The following FLI1 variants were observed in gnomAD, a reference collection of about 807,000 sequenced individuals.
FLI1 encodes the protein Friend leukemia integration 1 transcription factor.
Under a neutral mutation model 53.1 loss-of-function variants are expected in FLI1, and 13 were observed. The observed-to-expected ratio is 0.24, with a 90% confidence interval of 0.16 to 0.39. FLI1 has a LOEUF of 0.39. FLI1 is among the 10% of genes least tolerant of loss of function. The pLI is 1.00. For missense variants in FLI1, 424 were observed against 600.5 expected, an observed-to-expected ratio of 0.71 and a Z score of 3.07; for synonymous variants, 244 against 236.7, an observed-to-expected ratio of 1.03 and a Z score of -0.28.
intron 1 of FLI1, among the ~76,000 whole-genome samples, chr11:128,708,697 A>G (rs1327755438): frequency 1.3e-5 from 2 of 152,162 alleles, no homozygotes; most frequent in African/African-American, 4.8e-5. Context: ...ATTAATTACT[A>G]CACTTTGACT....
At chr11:128,798,905 G>A (rs1232838273) in intron 5 of FLI1, among the ~76,000 whole-genome samples, 1 of 152,134 alleles carries the variant, frequency 6.6e-6, no homozygotes, top group Admixed American at 6.5e-5. Context: ...TAACAGCCAG[G>A]CAGACCACCT....
Position 128,810,907 on chromosome 11 carries a change from C to G in FLI1, c.1278C>G (p.Pro426=). ...FGAASQYWTS[P]TGGIYPNPNV... is the part of the protein sequence containing the mutation. The stretch of plus-strand genomic sequence containing the variant: ...CCGCATCACAATACTGGACCTCCCC[C>G]ACGGGGGGAATCTACCCCAACCCCA... Residue 426 remains proline, a synonymous_variant, in exon 9 of 9, where the codon CCC becomes CCG. Coordinates refer to ENST00000527786, the MANE Select transcript of FLI1 (RefSeq NM_002017.5). The surrounding 1 kb of genome is among the most constrained non-coding windows in gnomAD (Gnocchi z 6.6). 4 of 1,614,054 alleles carry G rather than the reference C, an allele frequency of 2.5e-6. No individual in the cohort carries two copies. The highest frequency in any genetic ancestry group is 3.4e-6 in the Non-Finnish European group (4 of 1,179,900).
chr11:128,733,920 C>G (rs147489918), intron 1 of FLI1, among the ~76,000 whole-genome samples: 152 of 152,316 alleles, frequency 1.0e-3, no homozygotes, highest in African/African-American at 3.6e-3. Context: ...ACATGCTCCT[C>G]CTATCTGGGC....
chr11:128,768,371 G>C, intron 3 of FLI1, 99 bp downstream of exon 3: 1 of 1,481,088 alleles, frequency 6.8e-7, no homozygotes, highest in Non-Finnish European at 9.4e-7. Context: ...ATTCCCTGTG[G>C]AATTGCAAAA....
intron 4 of FLI1, 89 bp downstream of exon 4, chr11:128,773,074 G>A (rs964421298): frequency 8.2e-7 from 1 of 1,226,038 alleles, no homozygotes; most frequent in Non-Finnish European, 1.2e-6. Flanking sequence ...CGTTCGTGTT[G>A]GGCAGATGCC....
At chr11:128,787,972 A>G (rs1215845451) in intron 5 of FLI1, among the ~76,000 whole-genome samples, 1 of 151,526 alleles carries the variant, frequency 6.6e-6, no homozygotes, top group Non-Finnish European at 1.5e-5. Flanking sequence ...ACGCCCAGCT[A>G]ATTTTTTTTT....
chr11:128,798,063 C>T (rs1019022041), intron 5 of FLI1, among the ~76,000 whole-genome samples: 21 of 152,198 alleles, frequency 1.4e-4, no homozygotes, highest in Middle Eastern at 6.8e-3. Context: ...GGGCAGAGGG[C>T]GTTGCGTATA....
chr11:128,710,930 T>C (rs1938759989), intron 1 of FLI1, among the ~76,000 whole-genome samples: 1 of 152,230 alleles, frequency 6.6e-6, no homozygotes, highest in Admixed American at 6.5e-5. Flanking sequence ...GGAAACTTTA[T>C]CAGTTTTTCT....
intron 1 of FLI1, among the ~76,000 whole-genome samples, chr11:128,707,278 C>T (rs1401723133): frequency 6.6e-6 from 1 of 152,152 alleles, no homozygotes; most frequent in Non-Finnish European, 1.5e-5. Context: ...GATAACACTG[C>T]CTGTAGAGAA....
At chr11:128,711,248 T>G in intron 1 of FLI1, among the ~76,000 whole-genome samples, 1 of 152,218 alleles carries the variant, frequency 6.6e-6, no homozygotes, top group Non-Finnish European at 1.5e-5. Context: ...TCATTCAAGT[T>G]AAAAACATCA....
In FLI1 at chr11:128,720,500, G is replaced by C. The variant is rs544057843; in HGVS notation, c.18+26224G>C. Among the ~76,000 whole-genome samples, 26 of 152,254 alleles carry C rather than the reference G, an allele frequency of 1.7e-4. No individual in the cohort carries two copies. In the East Asian group the frequency reaches 5.0e-3, roughly 29 times the overall value. On this transcript the variant is annotated intron_variant, in intron 1 of 8. Transcript: ENST00000527786. ...AGAGTCATAAAACCAGAAACACTGG[G>C]GGGTGGGGAGGCCAAGCCGGGCCTT...
chr11:128,768,535 A>G (rs1279061353), intron 3 of FLI1: 1 of 445,836 alleles, frequency 2.2e-6, no homozygotes, highest in Non-Finnish European at 4.2e-6. Context: ...AAAAAAATAC[A>G]AAAATTAGCC....
In FLI1 at chr11:128,811,471, G is replaced by A. The variant is rs556624427; in HGVS notation, c.*483G>A. ...TTAGGAGGACCAAATTCAGTGGATG[G>A]CAACTGGAACATTGATTGTAAGGCC... On this transcript the variant is annotated 3_prime_UTR_variant, in exon 9 of 9. Transcript: ENST00000527786. 4.3e-5 allele frequency: 10 copies of A among 235,244 alleles called. No individual in the cohort carries two copies. The South Asian group carries it at 1.6e-3, about 37-fold the overall frequency. The allele number at this position is 235,244 out of a possible 1,614,324, so 14.6% of individuals were successfully genotyped here.
At chr11:128,772,662 C>G (rs1448279019) in intron 3 of FLI1, 120 bp from the exon 4 acceptor site, 3 of 795,582 alleles carry the variant, frequency 3.8e-6, no homozygotes, top group African/African-American at 3.4e-5. Flanking sequence ...TGGAAGGGAG[C>G]TCTCCCAGAG....
At chr11:128,719,289 A>AC (rs1196662721) in intron 1 of FLI1, among the ~76,000 whole-genome samples, 1 of 151,362 alleles carries the variant, frequency 6.6e-6, no homozygotes, top group Non-Finnish European at 1.5e-5. Context: ...AAAAAAAAAA[A>AC]AAACAGTTCG....
chr11:128,693,879 T>A, upstream of FLI1: 1 of 60,184 alleles, frequency 1.7e-5, no homozygotes. Context: ...GAAGAGGGGG[T>A]GTGGGGGGGG....
chr11:128,740,640 G>C (rs192585721), intron 1 of FLI1, among the ~76,000 whole-genome samples: 1 of 152,176 alleles, frequency 6.6e-6, no homozygotes, highest in Non-Finnish European at 1.5e-5. Context: ...GAGAAGCCCC[G>C]CCCAAACTAC....
intron 1 of FLI1, among the ~76,000 whole-genome samples, chr11:128,754,276 TGC>T (rs1491297508): frequency 2.0e-5 from 3 of 148,698 alleles, no homozygotes; most frequent in Non-Finnish European, 4.5e-5. Flanking sequence ...TGTGTGTGTG[TGC>T]ACATATGCAT....
chr11:128,743,733 A>G (rs5019870), intron 1 of FLI1, among the ~76,000 whole-genome samples: 27,534 of 152,142 alleles, frequency 0.18, 2,854 homozygotes, highest in Admixed American at 0.34. Context: ...CCAAGCCCCC[A>G]GGAACTGTCC....
Sources: gnomAD v4.1 joint callset for allele counts (sites outside exome capture counted in the v4.1 genomes callset) on GRCh38, gnomAD v4.1.1 for gene constraint, Gnocchi (gnomAD v3.1) non-coding constraint, MANE v1.5 for transcripts, NCBI Gene and HGNC (gene_info 2026-07-23, HGNC 2026-07-21) for gene names.